TBCK: variants seen among roughly 807,000 people sequenced by gnomAD.
TBCK encodes the protein TBC1 domain containing kinase.
Under a neutral mutation model 113.4 loss-of-function variants are expected in TBCK, and 99 were observed. The observed-to-expected ratio is 0.87, with a 90% CI of 0.74 to 1.03. The LOEUF is 1.03. TBCK is among the 50% of genes least tolerant of loss of function. The probability of loss-of-function intolerance (pLI) is 0.00; values close to 1 mark genes in which losing one functional copy is unlikely to be tolerated. For synonymous variants in TBCK, 369 were observed against 370.8 expected (o/e 1.00, Z 0.05); for missense variants, 1,045 against 1,061.3 (o/e 0.98, Z 0.21).
chr4:106,194,682 T>A (rs760133780), intron 21 of TBCK, 36 bp downstream of exon 21: 5 of 1,565,088 alleles, frequency 3.2e-6, no homozygotes, highest in Non-Finnish European at 3.5e-6. Context: ...CTTTTGCTAA[T>A]ACAATATCAA....
At chr4:106,271,016 A>C (rs898569628) in intron 3 of TBCK, among the ~76,000 whole-genome samples, 3 of 152,218 alleles carry the variant, frequency 2.0e-5, no homozygotes, top group African/African-American at 2.4e-5. Flanking sequence ...ATAGGAAGGC[A>C]GACAAAGCAA....
chr4:106,230,732 T>G (rs1024267981), intron 18 of TBCK, among the ~76,000 whole-genome samples: 1 of 151,882 alleles, frequency 6.6e-6, no homozygotes, highest in African/African-American at 2.4e-5. Flanking sequence ...AAACGTTGTT[T>G]CTTAAAATTT....
chr4:106,136,481 C>T (rs970420980), intron 23 of TBCK, among the ~76,000 whole-genome samples: 1 of 140,878 alleles, frequency 7.1e-6, no homozygotes, highest in Admixed American at 7.0e-5. Flanking sequence ...TAGGAGTTTG[C>T]CGTATAAATA....
chr4:106,124,759 C>T (rs1744936142), intron 23 of TBCK, among the ~76,000 whole-genome samples: 1 of 151,790 alleles, frequency 6.6e-6, no homozygotes, highest in Admixed American at 6.6e-5. Context: ...GAACAAAAAA[C>T]CAAACACCGC....
intron 25 of TBCK, among the ~76,000 whole-genome samples, chr4:106,094,592 C>A (rs1408218292): frequency 6.6e-6 from 1 of 152,110 alleles, no homozygotes; most frequent in Non-Finnish European, 1.5e-5. Flanking sequence ...ACAATCAAGG[C>A]AAATATTTTG....
intron 6 of TBCK, among the ~76,000 whole-genome samples, chr4:106,250,722 T>C (rs1434085575): frequency 2.6e-5 from 4 of 152,028 alleles, no homozygotes; most frequent in Non-Finnish European, 5.9e-5. Context: ...ACATTCTAGT[T>C]TGATGTAAGC....
chr4:106,302,331 C>T (rs11938947), intron 2 of TBCK, among the ~76,000 whole-genome samples: 1,685 of 152,116 alleles, frequency 0.011, 28 homozygotes, highest in African/African-American at 0.038. Context: ...ATCAGTAGAA[C>T]GATTACAGTT....
chr4:106,221,595 T>G (rs533201205), intron 19 of TBCK, among the ~76,000 whole-genome samples: 44 of 151,988 alleles, frequency 2.9e-4, no homozygotes, highest in Admixed American at 2.8e-3. Flanking sequence ...AAAAGCCCCT[T>G]GGTGTAAATT....
intron 1 of TBCK, among the ~76,000 whole-genome samples, chr4:106,313,696 G>A (rs1768435081): frequency 6.6e-6 from 1 of 152,190 alleles, no homozygotes; most frequent in South Asian, 2.1e-4. Context: ...TAAACAGAAA[G>A]CCATTGGGCT....
chr4:106,170,022 C>A (rs1390996943), intron 23 of TBCK, among the ~76,000 whole-genome samples: 1 of 152,016 alleles, frequency 6.6e-6, no homozygotes, highest in Non-Finnish European at 1.5e-5. Flanking sequence ...TGCTGGTGTG[C>A]CTGCCATTCA....
chr4:106,076,304 T>C (rs1738184368), intron 25 of TBCK, among the ~76,000 whole-genome samples: 1 of 152,224 alleles, frequency 6.6e-6, no homozygotes. Context: ...ACTTGGAACC[T>C]AAACATGTGA....
At chr4:106,240,904 G>A (rs1304706055) in intron 12 of TBCK, among the ~76,000 whole-genome samples, 2 of 151,908 alleles carry the variant, frequency 1.3e-5, no homozygotes, top group Non-Finnish European at 2.9e-5. Context: ...TTCTATGCAG[G>A]GCCATATGAC....
At chr4:106,252,245 C>T (rs1398218324) in intron 5 of TBCK, among the ~76,000 whole-genome samples, 1 of 152,048 alleles carries the variant, frequency 6.6e-6, no homozygotes, top group African/African-American at 2.4e-5. Context: ...CCAGCATTAG[C>T]TCCTTTATTT....
chr4:106,169,841 T>A (rs1462488065), intron 23 of TBCK, among the ~76,000 whole-genome samples: 1 of 152,110 alleles, frequency 6.6e-6, no homozygotes, highest in Non-Finnish European at 1.5e-5. Flanking sequence ...TGACAGATCA[T>A]CAGGCATTAG....
At chr4:106,134,267 A>G (rs1746308600) in intron 23 of TBCK, among the ~76,000 whole-genome samples, 1 of 152,154 alleles carries the variant, frequency 6.6e-6, no homozygotes, top group Non-Finnish European at 1.5e-5. Flanking sequence ...CAGGTACACC[A>G]ACAGCTTAAA....
At chr4:106,236,288 A>G (rs1240111044) in intron 14 of TBCK, 102 bp downstream of exon 14, 6 of 865,430 alleles carry the variant, frequency 6.9e-6, no homozygotes, top group Non-Finnish European at 9.3e-6. Flanking sequence ...GGTCATAAAA[A>G]TTAATCTTCT....
intron 22 of TBCK, chr4:106,182,382 CT>C (rs1466670159): frequency 6.6e-6 from 1 of 152,150 alleles, no homozygotes; most frequent in Non-Finnish European, 1.5e-5. Flanking sequence ...CCTGACTGCC[CT>C]GGCCAGAAAG....
rs571587263 is a variant in TBCK at position 106,271,087 on chromosome 4, C to A, written c.267-8875G>T. Among the ~76,000 whole-genome samples the A allele has an allele frequency of 1.4e-3, 219 of 152,240 alleles. 1 individual carries two copies. Among genetic ancestry groups the A allele is most frequent in the Non-Finnish European group, 2.5e-3 (171 of 68,016 alleles). On this transcript the variant is annotated intron_variant, in intron 3 of 25. Coordinates refer to ENST00000394708, the MANE Select transcript of TBCK (RefSeq NM_001163435.3). ...TTTTAATGTAGAACTCTGAGTTCTGCTTACCTATATAAATAAATACTTTTC... is the reference window on the plus strand; with the variant it reads ...TTTTAATGTAGAACTCTGAGTTCTGATTACCTATATAAATAAATACTTTTC...
Position 106,215,009 on chromosome 4 carries a change from C to T in TBCK, c.1775-2174G>A, listed in dbSNP as rs867782652. ...AAAGGGAAGCCCATCAGACTAACAG[C>T]GGATCTCTCGGCAGAAACCCTACAA... is the stretch of plus-strand genomic sequence containing the variant. On this transcript the variant is annotated intron_variant, in intron 19 of 25. Transcript: ENST00000394708. Among the ~76,000 whole-genome samples the T allele has an allele frequency of 2.3e-4, 35 of 150,960 alleles. No homozygotes were observed. In the South Asian group the frequency reaches 5.3e-3, roughly 23 times the overall value.
Sources: gnomAD v4.1 joint callset for allele counts (sites outside exome capture counted in the v4.1 genomes callset) on GRCh38, gnomAD v4.1.1 for gene constraint, MANE v1.5 for transcripts, NCBI Gene and HGNC (gene_info 2026-07-23, HGNC 2026-07-21) for gene names.